GCA: variants seen among roughly 807,000 people sequenced by gnomAD.
GCA encodes the protein grancalcin, EF-hand calcium-binding protein.
A neutral mutation model predicts 32.6 loss-of-function variants in GCA; 30 were observed. That is an observed-to-expected ratio of 0.92 (90% CI 0.69 to 1.25). GCA has a LOEUF of 1.25. Ranked by LOEUF, GCA falls within the 50% of genes most tolerant of loss-of-function variation. The pLI, the probability that GCA is intolerant of heterozygous loss-of-function variation, is 0.00. For synonymous variants in GCA, 102 were observed against 84.6 expected (o/e 1.21, Z -1.13); for missense variants, 291 against 266.8 (o/e 1.09, Z -0.63).
chr2:162,331,226 C>T (rs1433794617), intron 1 of GCA, among the ~76,000 whole-genome samples: 1 of 152,162 alleles, frequency 6.6e-6, no homozygotes, highest in African/African-American at 2.4e-5. Flanking sequence ...CAGAGCACTG[C>T]CTTGTTTGAC....
At chr2:162,373,350 T>A, downstream of GCA, 1 of 597,114 alleles carries the variant, frequency 1.7e-6, no homozygotes, top group South Asian at 6.2e-5. Flanking sequence ...TCTATTTGAG[T>A]AGAAACAGAG....
intron 1 of GCA, among the ~76,000 whole-genome samples, chr2:162,327,049 G>T (rs979272206): frequency 3.9e-5 from 6 of 152,192 alleles, no homozygotes; most frequent in African/African-American, 1.2e-4. Context: ...GAGTTCCCTG[G>T]GCCTGTTTAT....
chr2:162,372,164 A>C, downstream of GCA: 1 of 1,245,586 alleles, frequency 8.0e-7, no homozygotes. Flanking sequence ...AATTACACTA[A>C]TAAAAACTTA....
intron 3 of GCA, among the ~76,000 whole-genome samples, chr2:162,355,338 A>G (rs1428043266): frequency 1.3e-5 from 2 of 152,170 alleles, no homozygotes; most frequent in Non-Finnish European, 2.9e-5. Context: ...TATATTAAAC[A>G]TTTAAAGAAA....
chr2:162,321,375 TAAG>T (rs780479486), intron 1 of GCA, among the ~76,000 whole-genome samples: 62 of 152,332 alleles, frequency 4.1e-4, no homozygotes, highest in Non-Finnish European at 8.1e-4. Context: ...TTTGAGTTTT[TAAG>T]AAGTAGTAAC....
At chr2:162,331,539 C>G (rs1011284302) in intron 1 of GCA, among the ~76,000 whole-genome samples, 9 of 152,196 alleles carry the variant, frequency 5.9e-5, no homozygotes, top group East Asian at 3.9e-4. Flanking sequence ...GGATTAGCAC[C>G]CTTTTAAAAG....
At chr2:162,363,984 G>C (rs1441824720), downstream of GCA, among the ~76,000 whole-genome samples, 1 of 151,492 alleles carries the variant, frequency 6.6e-6, no homozygotes, top group Non-Finnish European at 1.5e-5. Flanking sequence ...TATGTTTTCA[G>C]ATGTGCCCCT....
chr2:162,357,550 A>G (rs905071492), intron 5 of GCA, among the ~76,000 whole-genome samples: 1 of 151,830 alleles, frequency 6.6e-6, no homozygotes. Context: ...ATCTATTTGT[A>G]TGAAAATTAA....
intron 5 of GCA, among the ~76,000 whole-genome samples, chr2:162,357,532 T>C (rs1685343433): frequency 1.3e-5 from 2 of 151,836 alleles, no homozygotes; most frequent in Non-Finnish European, 3.0e-5. Context: ...TACACTCTTC[T>C]AAACAAAATC....
At chr2:162,326,791 T>G (rs1029584344) in intron 1 of GCA, among the ~76,000 whole-genome samples, 2 of 152,204 alleles carry the variant, frequency 1.3e-5, no homozygotes, top group Non-Finnish European at 2.9e-5. Flanking sequence ...GTGCTGGGAT[T>G]ACAGGCATGA....
chr2:162,373,721 A>G, downstream of GCA: 1 of 1,235,048 alleles, frequency 8.1e-7, no homozygotes, highest in Non-Finnish European at 1.1e-6. Context: ...TTTCAGGAGC[A>G]TTTAAAAAAA....
Position 162,360,306 on chromosome 2 carries a change from G to T in GCA, c.*63G>T. On this transcript the variant is annotated 3_prime_UTR_variant, in exon 8 of 8. Transcript: ENST00000437150. ...TCTTTTGTTTGGAAGAAGTGAACTGGACTACTTTAAAACTTTTAAGGGTTT... is the reference window on the plus strand; with the variant it reads ...TCTTTTGTTTGGAAGAAGTGAACTGTACTACTTTAAAACTTTTAAGGGTTT... 1.3e-6 allele frequency: 2 copies of T among 1,552,078 alleles called. No homozygotes were observed. Among genetic ancestry groups the T allele is most frequent in the Non-Finnish European group, 1.7e-6 (2 of 1,150,664 alleles).
chr2:162,344,493 C>CG (rs1289160654), intron 1 of GCA: 5 of 579,640 alleles, frequency 8.6e-6, no homozygotes, highest in Non-Finnish European at 1.5e-5. Context: ...TGAGGACCCT[C>CG]GAGGAGCGTC....
intron 1 of GCA, among the ~76,000 whole-genome samples, chr2:162,323,757 C>T (rs1275118639): frequency 6.6e-6 from 1 of 151,644 alleles, no homozygotes; most frequent in Non-Finnish European, 1.5e-5. Flanking sequence ...TGTTCTGTTC[C>T]ATTGATCTAT....
upstream of GCA, among the ~76,000 whole-genome samples, chr2:162,340,259 G>C (rs1241168793): frequency 6.6e-6 from 1 of 152,162 alleles, no homozygotes; most frequent in Non-Finnish European, 1.5e-5. Context: ...TAAACAGCCT[G>C]ACATAGTCAC....
At chr2:162,328,519 T>A (rs1476877916) in intron 1 of GCA, among the ~76,000 whole-genome samples, 1 of 152,116 alleles carries the variant, frequency 6.6e-6, no homozygotes, top group African/African-American at 2.4e-5. Flanking sequence ...AGCCCCCAGT[T>A]GAGACAGGAA....
chr2:162,361,478 C>A lies in GCA; in HGVS notation c.*1235C>A. 1 of 973,960 alleles carries A rather than the reference C, an allele frequency of 1.0e-6. No individual in the cohort carries two copies. Among genetic ancestry groups the A allele is most frequent in the Non-Finnish European group, 1.2e-6 (1 of 819,862 alleles). The allele number at this position is 973,960 out of a possible 1,614,324, so 60.3% of individuals were successfully genotyped here. A position where few individuals can be genotyped will look rare whatever the true frequency, so the allele number is the denominator to read the frequency against. ...AGTGACATAATTTTATGACTGCTGA[C>A]CAAATTAATTTATAGATTTTATAAA... On this transcript the variant is annotated 3_prime_UTR_variant, in exon 8 of 8. Transcript: ENST00000437150.
At chr2:162,335,025 C>T (rs1684222881) in intron 1 of GCA, among the ~76,000 whole-genome samples, 1 of 152,182 alleles carries the variant, frequency 6.6e-6, no homozygotes, top group Admixed American at 6.5e-5. Context: ...CATCCTCAAA[C>T]TATCTTTGGG....
chr2:162,327,389 G>GA (rs930830806), intron 1 of GCA, among the ~76,000 whole-genome samples: 11 of 152,164 alleles, frequency 7.2e-5, no homozygotes, highest in East Asian at 3.9e-4. Context: ...GTAAAAAACA[G>GA]AAAAAACAGT....
Sources: gnomAD v4.1 joint callset for allele counts (sites outside exome capture counted in the v4.1 genomes callset) on GRCh38, gnomAD v4.1.1 for gene constraint, MANE v1.5 for transcripts, NCBI Gene and HGNC (gene_info 2026-07-23, HGNC 2026-07-21) for gene names.